The following RBMS3 variants were observed in gnomAD, a reference collection of about 807,000 sequenced individuals.
The protein encoded by RBMS3 is RNA binding motif single stranded interacting protein 3.
A neutral mutation model predicts 66.8 loss-of-function variants in RBMS3; 27 were observed. That is an observed-to-expected ratio of 0.40 (90% CI 0.30 to 0.56). The LOEUF (loss-of-function observed/expected upper bound fraction) is 0.56. Ranked by LOEUF, RBMS3 falls within the 20% of genes least tolerant of loss-of-function variation. The probability of loss-of-function intolerance (pLI) is 0.40; values close to 1 mark genes in which losing one functional copy is unlikely to be tolerated. For synonymous variants in RBMS3, 188 were observed against 183.0 expected (o/e 1.03, Z -0.22); for missense variants, 513 against 549.5 (o/e 0.93, Z 0.66).
chr3:29,623,484 CG>C (rs1450912376), intron 4 of RBMS3, among the ~76,000 whole-genome samples: 1 of 148,552 alleles, frequency 6.7e-6, no homozygotes, highest in Non-Finnish European at 1.5e-5. Context: ...TCCAGCTACT[CG>C]GGAGGTTGAG....
chr3:29,800,832 A>G (rs1559685300), intron 6 of RBMS3, among the ~76,000 whole-genome samples: 1 of 151,886 alleles, frequency 6.6e-6, no homozygotes, highest in Non-Finnish European at 1.5e-5. Context: ...TTTCCATATC[A>G]CAGTATTTTG....
At chr3:29,725,331 T>C (rs1576624101) in intron 4 of RBMS3, among the ~76,000 whole-genome samples, 1 of 152,044 alleles carries the variant, frequency 6.6e-6, no homozygotes, top group East Asian at 1.9e-4. Flanking sequence ...AAATAAAAAT[T>C]CAAAAGCTAA....
chr3:29,656,469 G>T (rs2050331163), intron 4 of RBMS3, among the ~76,000 whole-genome samples: 2 of 152,174 alleles, frequency 1.3e-5, no homozygotes, highest in Non-Finnish European at 2.9e-5. Flanking sequence ...TGCCGTCTAG[G>T]TGTGTCTAAG....
At chr3:29,380,883 G>A (rs1230615213) in intron 1 of RBMS3, among the ~76,000 whole-genome samples, 1 of 152,166 alleles carries the variant, frequency 6.6e-6, no homozygotes, top group Non-Finnish European at 1.5e-5. Context: ...TATGAGTCAG[G>A]AACTGTAGGA....
At chr3:29,667,615 C>T (rs1018516648) in intron 4 of RBMS3, among the ~76,000 whole-genome samples, 1 of 151,978 alleles carries the variant, frequency 6.6e-6, no homozygotes, top group Admixed American at 6.6e-5. Context: ...ATGTTTCCTC[C>T]CATAGAAGAA....
chr3:29,416,911 C>T (rs2040499620), intron 1 of RBMS3, among the ~76,000 whole-genome samples: 1 of 152,028 alleles, frequency 6.6e-6, no homozygotes, highest in Non-Finnish European at 1.5e-5. Flanking sequence ...TACCTTATAA[C>T]AAGTTATAAG....
rs182967059 is a variant in RBMS3, at chr3:29,285,509, C to T, written c.75+3753C>T. 2.6e-5 allele frequency among the ~76,000 whole-genome samples: 4 copies of T among 152,222 alleles called. No individual in the cohort carries two copies. The East Asian group carries it at 7.7e-4, about 29-fold the overall frequency. ...ACCAGTTCACTATGTTTCTACCAAT[C>T]CAGTGCCCAGTTGCCAATGATGTTG... On this transcript the variant is annotated intron_variant, in intron 1 of 14. Transcript: ENST00000383767.
intron 6 of RBMS3, among the ~76,000 whole-genome samples, chr3:29,832,761 A>T (rs2058407112): frequency 6.6e-6 from 1 of 151,904 alleles, no homozygotes; most frequent in African/African-American, 2.4e-5. Flanking sequence ...CCTACTAACC[A>T]CTCTACAGAC....
intron 4 of RBMS3, among the ~76,000 whole-genome samples, chr3:29,696,556 C>A (rs1404929107): frequency 1.3e-5 from 2 of 152,182 alleles, no homozygotes; most frequent in African/African-American, 4.8e-5. Flanking sequence ...ATCAGCCACC[C>A]TGTCTCATAG....
chr3:29,364,877 A>G (rs2037809851), intron 1 of RBMS3, among the ~76,000 whole-genome samples: 1 of 152,096 alleles, frequency 6.6e-6, no homozygotes, highest in Non-Finnish European at 1.5e-5. Flanking sequence ...CTTCCTCCAC[A>G]GTTTTGCCAG....
At chr3:29,494,729 A>G (rs989708005) in intron 3 of RBMS3, among the ~76,000 whole-genome samples, 1 of 152,218 alleles carries the variant, frequency 6.6e-6, no homozygotes, top group Non-Finnish European at 1.5e-5. Context: ...TGTAAATCTT[A>G]AAAGAATTCA....
chr3:29,833,495 G>A (rs2058425411), intron 6 of RBMS3, among the ~76,000 whole-genome samples: 1 of 152,090 alleles, frequency 6.6e-6, no homozygotes, highest in Non-Finnish European at 1.5e-5. Flanking sequence ...TAGAAATTAT[G>A]AGCGAAACCA....
chr3:29,746,747 T>C (rs1048674064), intron 5 of RBMS3, among the ~76,000 whole-genome samples: 1 of 152,168 alleles, frequency 6.6e-6, no homozygotes, highest in Non-Finnish European at 1.5e-5. Flanking sequence ...ACAAATAAAT[T>C]GCATCAAATA....
intron 3 of RBMS3, among the ~76,000 whole-genome samples, chr3:29,577,969 T>C (rs1378395089): frequency 3.3e-5 from 5 of 152,220 alleles, no homozygotes; most frequent in African/African-American, 4.8e-5. Flanking sequence ...GTACAAACTA[T>C]GTAGGTTTCT....
At chr3:29,810,093 T>A (rs1221207099) in intron 6 of RBMS3, among the ~76,000 whole-genome samples, 4 of 152,108 alleles carry the variant, frequency 2.6e-5, no homozygotes, top group Non-Finnish European at 5.9e-5. Context: ...AATAGCATAG[T>A]TCATTATAGT....
intron 4 of RBMS3, among the ~76,000 whole-genome samples, chr3:29,711,133 TAGGCACA>T (rs1174000470): frequency 6.6e-6 from 1 of 152,166 alleles, no homozygotes; most frequent in Non-Finnish European, 1.5e-5. Context: ...ATTTATAAAT[TAGGCACA>T]ATAAGAGATT....
At chr3:29,655,108 A>G (rs772382365) in intron 4 of RBMS3, among the ~76,000 whole-genome samples, 1 of 152,166 alleles carries the variant, frequency 6.6e-6, no homozygotes, top group Non-Finnish European at 1.5e-5. Flanking sequence ...AGGAATAAGA[A>G]CATTTATTTT....
intron 4 of RBMS3, among the ~76,000 whole-genome samples, chr3:29,594,609 C>T (rs2047878380): frequency 6.6e-6 from 1 of 152,122 alleles, no homozygotes. Flanking sequence ...TTATTTTTCT[C>T]ATGATTGAAA....
intron 3 of RBMS3, among the ~76,000 whole-genome samples, chr3:29,520,825 A>G (rs905171229): frequency 6.6e-6 from 1 of 152,134 alleles, no homozygotes; most frequent in South Asian, 2.1e-4. Flanking sequence ...CTATTCAAGG[A>G]GGTTAAAGAA....
Sources: gnomAD v4.1 joint callset for allele counts (sites outside exome capture counted in the v4.1 genomes callset) on GRCh38, gnomAD v4.1.1 for gene constraint, MANE v1.5 for transcripts, NCBI Gene and HGNC (gene_info 2026-07-23, HGNC 2026-07-21) for gene names.